GABPB2: variants seen among roughly 807,000 people sequenced by gnomAD.
GABPB2 encodes the protein GA-binding protein subunit beta-2.
A neutral mutation model predicts 39.1 loss-of-function variants in GABPB2; 23 were observed. The ratio of observed to expected loss-of-function variants is 0.59; its 90% CI spans 0.42 to 0.83. GABPB2 has a LOEUF of 0.83. Ranked by LOEUF, GABPB2 falls within the 40% of genes least tolerant of loss-of-function variation. The pLI, the probability that GABPB2 is intolerant of heterozygous loss-of-function variation, is 0.00. For synonymous variants in GABPB2, 184 were observed against 199.3 expected, an observed-to-expected ratio of 0.92 and a Z score of 0.65; for missense variants, 467 against 541.1, an observed-to-expected ratio of 0.86 and a Z score of 1.36.
At chr1:151,104,759 CTCTT>C (rs1023380620) in intron 6 of GABPB2, among the ~76,000 whole-genome samples, 45 of 118,042 alleles carry the variant, frequency 3.8e-4, no homozygotes, top group Non-Finnish European at 6.8e-4. Context: ...CTATCTGTGA[CTCTT>C]TCTTTCTTTC....
intron 1 of GABPB2, 163 bp from the exon 2 acceptor site, chr1:151,088,027 T>A (rs1475341022): frequency 1.8e-6 from 1 of 568,232 alleles, no homozygotes; most frequent in Non-Finnish European, 3.2e-6. Context: ...AATATTTTAT[T>A]GTTTGTGTTA....
intron 5 of GABPB2, among the ~76,000 whole-genome samples, chr1:151,099,221 G>A (rs1048669874): frequency 4.7e-5 from 7 of 150,276 alleles, no homozygotes; most frequent in African/African-American, 1.2e-4. Flanking sequence ...TCTCCAAGGC[G>A]GAGTCTCGCT....
At chr1:151,099,084 CA>C (rs200277830) in intron 5 of GABPB2, among the ~76,000 whole-genome samples, 77,249 of 110,550 alleles carry the variant, frequency 0.7, 24,246 homozygotes, top group East Asian at 0.84. Context: ...AACTTCATCT[CA>C]AAAAAAAAAA....
chr1:151,082,995 GAA>G (rs1016322971), intron 1 of GABPB2, among the ~76,000 whole-genome samples: 4 of 149,780 alleles, frequency 2.7e-5, no homozygotes, highest in Non-Finnish European at 5.9e-5. Context: ...AAAAAGAAAA[GAA>G]AAAGTTAGTT....
chr1:151,106,145 A>G (rs1456822472), intron 6 of GABPB2, among the ~76,000 whole-genome samples: 4 of 151,800 alleles, frequency 2.6e-5, no homozygotes, highest in Middle Eastern at 3.4e-3. Flanking sequence ...TATTTTTAGT[A>G]GAGATGGGGT....
chr1:151,106,452 C>G (rs1211486443), intron 6 of GABPB2, among the ~76,000 whole-genome samples: 1 of 152,166 alleles, frequency 6.6e-6, no homozygotes. Context: ...ATTCTCGTGC[C>G]TCAGCCTCCA....
intron 5 of GABPB2, among the ~76,000 whole-genome samples, chr1:151,102,535 T>C (rs76340577): frequency 0.024 from 3,704 of 152,100 alleles, 104 homozygotes; most frequent in African/African-American, 0.073. Context: ...CTCCACTTCC[T>C]AAGTTCAAGC....
Position 151,088,271 on chromosome 1 carries a change from A to T in GABPB2, c.82A>T (p.Asn28Tyr). The change falls in exon 2 of 9, where the codon AAT becomes TAT. Residue 28 changes from asparagine (N) to tyrosine (Y), a missense_variant. Coordinates refer to ENST00000368918, the MANE Select transcript of GABPB2 (RefSeq NM_144618.3). ...TGATGAAGTGAGAACGTTGATGGCA[A>T]ATGGCGCCCCATTCACCACAGACTG... The part of the protein sequence containing the change: ...QDDEVRTLMA[N>Y]GAPFTTDWLG... 3.1e-6 allele frequency: 5 copies of T among 1,613,868 alleles called. No homozygotes were observed. Among genetic ancestry groups the T allele is most frequent in the Non-Finnish European group, 4.2e-6 (5 of 1,179,858 alleles).
chr1:151,113,469 C>CAAA (rs959062545), intron 7 of GABPB2, among the ~76,000 whole-genome samples: 11 of 63,262 alleles, frequency 1.7e-4, no homozygotes, highest in African/African-American at 4.1e-4. Flanking sequence ...ACTCCAACTG[C>CAAA]AAAAAAAAAA....
At chr1:151,096,640 C>G (rs1679118364) in intron 4 of GABPB2, among the ~76,000 whole-genome samples, 1 of 151,976 alleles carries the variant, frequency 6.6e-6, no homozygotes, top group Non-Finnish European at 1.5e-5. Context: ...CTACTTTTCA[C>G]CAAAATTGAA....
chr1:151,088,767 A>G (rs1055790809), intron 2 of GABPB2, among the ~76,000 whole-genome samples: 7 of 152,224 alleles, frequency 4.6e-5, no homozygotes, highest in Admixed American at 1.3e-4. Flanking sequence ...TTGGGAGTCC[A>G]AGGCGGGCGG....
At chr1:151,080,518 A>C (rs1472837175) in intron 1 of GABPB2, among the ~76,000 whole-genome samples, 1 of 147,688 alleles carries the variant, frequency 6.8e-6, no homozygotes, top group East Asian at 2.0e-4. Context: ...TCTCTAAATA[A>C]ATAAATAAAT....
Position 151,103,624 on chromosome 1 carries a change from G to C in GABPB2, c.685G>C (p.Ala229Pro), listed in dbSNP as rs1357118810. Residue 229 changes from alanine to proline, a missense_variant, in exon 6 of 9, where the codon GCA becomes CCA. Transcript: ENST00000368918. ...NSTTSVLATL[A>P]ALAEASVPLS... ...TACCACCTCAGTGCTGGCTACCCTT[G>C]CAGCTCTTGCTGAGGCATCAGTCCC... 1 of 1,614,000 alleles carries C rather than the reference G, an allele frequency of 6.2e-7. No individual in the cohort carries two copies. The highest frequency in any genetic ancestry group is 8.5e-7 in the Non-Finnish European group (1 of 1,180,010).
intron 6 of GABPB2, among the ~76,000 whole-genome samples, chr1:151,105,157 C>T (rs1410533473): frequency 6.6e-6 from 1 of 152,012 alleles, no homozygotes; most frequent in East Asian, 1.9e-4. Context: ...CCGCCCACCT[C>T]GGCCTTCCAA....
Position 151,118,007 on chromosome 1 carries a change from A to T in GABPB2, c.1098A>T (p.Arg366=), listed in dbSNP as rs755348788. 2.5e-6 allele frequency: 4 copies of T among 1,614,138 alleles called. 1 individual carries two copies. The South Asian group carries it at 4.4e-5, about 18-fold the overall frequency. ...AGCAACAACTCCAGGAGGCCAATCGAAGAGCCCAGGAATACCGACACCAGC... is the reference window on the plus strand; with the variant it reads ...AGCAACAACTCCAGGAGGCCAATCGTAGAGCCCAGGAATACCGACACCAGC... ...LLQQQLQEAN[R]RAQEYRHQLL... The change falls in exon 9 of 9, where the codon CGA becomes CGT. Residue 366 remains arginine (R), a synonymous_variant. Coordinates refer to ENST00000368918, the MANE Select transcript of GABPB2 (RefSeq NM_144618.3).
intron 1 of GABPB2, among the ~76,000 whole-genome samples, chr1:151,071,539 A>C (rs1676722630): frequency 6.8e-6 from 1 of 146,116 alleles, no homozygotes; most frequent in Admixed American, 7.1e-5. Flanking sequence ...TGCAACCTGC[A>C]GCTCACTGCA....
intron 5 of GABPB2, among the ~76,000 whole-genome samples, chr1:151,103,095 G>A (rs1222927056): frequency 6.8e-6 from 1 of 146,058 alleles, no homozygotes; most frequent in Non-Finnish European, 1.5e-5. Context: ...TGTCGCCCAG[G>A]CTGAAGTGCA....
At chr1:151,073,588 T>G (rs1057095914) in intron 1 of GABPB2, among the ~76,000 whole-genome samples, 6 of 152,084 alleles carry the variant, frequency 3.9e-5, no homozygotes, top group Admixed American at 3.9e-4. Flanking sequence ...TTTTTTGTTG[T>G]TTTGTTTTGT....
intron 5 of GABPB2, among the ~76,000 whole-genome samples, chr1:151,101,585 GAAAAAGA>G (rs911708068): frequency 6.6e-6 from 1 of 150,758 alleles, no homozygotes; most frequent in Non-Finnish European, 1.5e-5. Context: ...AAAAAAAAAA[GAAAAAGA>G]AAAAAGAAAA....
Sources: allele counts gnomAD v4.1 joint callset (sites outside exome capture counted in the v4.1 genomes callset), GRCh38; gene constraint gnomAD v4.1.1; transcripts MANE v1.5; gene names NCBI Gene and HGNC (gene_info 2026-07-23, HGNC 2026-07-21).